LRRC7: variants seen among roughly 807,000 people sequenced by gnomAD.
LRRC7 encodes leucine-rich repeat-containing protein 7.
LRRC7 carries 23 observed loss-of-function variants against 175.7 expected under a neutral mutation model. That is an observed-to-expected ratio of 0.13 (90% CI 0.09 to 0.19). The LOEUF (loss-of-function observed/expected upper bound fraction) is 0.19. LRRC7 is among the 10% of genes least tolerant of loss of function. The pLI is 1.00. For missense variants in LRRC7, 1,354 were observed against 1,904.7 expected (o/e 0.71, Z 5.38); for synonymous variants, 685 against 680.9 (o/e 1.01, Z -0.09).
At chr1:69,911,203 A>G (rs920266138) in intron 7 of LRRC7, among the ~76,000 whole-genome samples, 1 of 152,178 alleles carries the variant, frequency 6.6e-6, no homozygotes, top group African/African-American at 2.4e-5. Context: ...CACTGCACCC[A>G]CTGTCCTGTG....
At chr1:69,870,584 C>G (rs1456385093) in intron 7 of LRRC7, among the ~76,000 whole-genome samples, 1 of 152,098 alleles carries the variant, frequency 6.6e-6, no homozygotes, top group African/African-American at 2.4e-5. Context: ...TCTCACCATT[C>G]CTAATAAGTT....
At position 69,730,031 on chromosome 1, in the gene LRRC7, T is replaced by A. The variant is rs116057791; in HGVS notation, c.101-30160T>A. On this transcript the variant is annotated intron_variant, in intron 2 of 26. Transcript: ENST00000651989. ...TTGGAGGTTGCACTCTCTGAAGCAA[T>A]GACCCAAGCTGTACCTTGGCCCCAT... 6.1e-3 allele frequency among the ~76,000 whole-genome samples: 928 copies of A among 152,332 alleles called. 3 individuals are homozygous for A. Among genetic ancestry groups the A allele is most frequent in the African/African-American group, 0.021 (877 of 41,580 alleles).
chr1:69,593,149 G>A lies in LRRC7; in HGVS notation c.2+24508G>A, dbSNP rs541672723. On this transcript the variant is annotated intron_variant, in intron 1 of 26. Transcript: ENST00000651989. Reference sequence around the variant, plus strand: ...AGAATTAAATTTGTTTGAATTTGTAGTGTATAGCATGGAAGACAGGCTGAG... The same window carrying A: ...AGAATTAAATTTGTTTGAATTTGTAATGTATAGCATGGAAGACAGGCTGAG... Among the ~76,000 whole-genome samples the A allele has an allele frequency of 1.2e-4, 19 of 152,152 alleles. 1 individual carries two copies. The highest frequency in any genetic ancestry group is 1.0e-3 in the South Asian group (5 of 4,830).
chr1:69,888,743 G>A (rs947377435), intron 7 of LRRC7, among the ~76,000 whole-genome samples: 6 of 152,076 alleles, frequency 3.9e-5, no homozygotes, highest in South Asian at 4.1e-4. Flanking sequence ...GACAGAAGCC[G>A]AGAGTAGAAC....
rs1463171137 is a variant in LRRC7 at position 70,068,615 on chromosome 1, TG to T, written c.4231-7461del. ...TCTTTCTTCCTTTATTTGTTTGTTT[TG>T]TTTTTTTATTTTTTTGGTATCAGGG... On this transcript the variant is annotated intron_variant, in intron 23 of 26. Coordinates refer to ENST00000651989, the MANE Select transcript of LRRC7 (RefSeq NM_001370785.2). 9.8e-5 allele frequency among the ~76,000 whole-genome samples: 15 copies of T among 152,334 alleles called. No homozygotes were observed. The East Asian group carries it at 1.5e-3, about 16-fold the overall frequency.
At chr1:70,079,003 AG>A (rs1157299235) in intron 24 of LRRC7, among the ~76,000 whole-genome samples, 1 of 152,168 alleles carries the variant, frequency 6.6e-6, no homozygotes, top group Non-Finnish European at 1.5e-5. Context: ...ACATTAAAAG[AG>A]GCTGAAAGGT....
chr1:69,793,568 T>A (rs903687304), intron 4 of LRRC7, among the ~76,000 whole-genome samples: 1 of 152,014 alleles, frequency 6.6e-6, no homozygotes, highest in East Asian at 1.9e-4. Context: ...AAAGAAGCAT[T>A]CCCAGACCAC....
chr1:69,687,904 C>G (rs1661381585), intron 2 of LRRC7, among the ~76,000 whole-genome samples: 1 of 152,220 alleles, frequency 6.6e-6, no homozygotes, highest in South Asian at 2.1e-4. Flanking sequence ...TATGATTTAG[C>G]CTTTTTCTAA....
chr1:69,820,587 C>T (rs887102357), intron 4 of LRRC7, among the ~76,000 whole-genome samples: 9 of 152,102 alleles, frequency 5.9e-5, no homozygotes, highest in African/African-American at 2.2e-4. Context: ...GTTCAACTCC[C>T]ACTTATGAGT....
chr1:69,907,950 A>G (rs373314561), intron 7 of LRRC7, among the ~76,000 whole-genome samples: 228 of 150,136 alleles, frequency 1.5e-3, no homozygotes, highest in Admixed American at 3.8e-3. Flanking sequence ...GCTGTTATTG[A>G]TCTATTCAGA....
intron 7 of LRRC7, among the ~76,000 whole-genome samples, chr1:69,850,955 G>A (rs1009459424): frequency 6.6e-6 from 1 of 152,094 alleles, no homozygotes; most frequent in East Asian, 1.9e-4. Context: ...GAAGAGATGA[G>A]GAGCCAGATT....
intron 18 of LRRC7, among the ~76,000 whole-genome samples, chr1:70,033,414 T>C (rs17131139): frequency 0.095 from 14,467 of 152,230 alleles, 693 homozygotes; most frequent in South Asian, 0.13. Context: ...CAGTGCCATG[T>C]AATTTATGGC....
chr1:70,093,394 G>A (rs1441235068), intron 25 of LRRC7, among the ~76,000 whole-genome samples: 1 of 151,968 alleles, frequency 6.6e-6, no homozygotes, highest in Non-Finnish European at 1.5e-5. Flanking sequence ...ATTTTATTGA[G>A]GCCCAGAGGG....
intron 8 of LRRC7, among the ~76,000 whole-genome samples, chr1:69,941,677 T>C (rs1648725127): frequency 6.6e-6 from 1 of 152,042 alleles, no homozygotes; most frequent in Non-Finnish European, 1.5e-5. Flanking sequence ...CTACAAATTT[T>C]AAATTACAAA....
intron 1 of LRRC7, among the ~76,000 whole-genome samples, chr1:69,630,836 G>A (rs551717752): frequency 1.3e-5 from 2 of 151,992 alleles, no homozygotes; most frequent in Admixed American, 6.6e-5. Flanking sequence ...AAAAGAATTA[G>A]ACAAGCAACA....
At position 69,731,298 on chromosome 1, in the gene LRRC7, A is replaced by C. The variant is rs868366174; in HGVS notation, c.101-28893A>C. ...GCAAGACTCCATTACCCCCACCCCC[A>C]AAAAAACCATGAGACCTCATGAGAA... On this transcript the variant is annotated intron_variant, in intron 2 of 26. Coordinates refer to ENST00000651989, the MANE Select transcript of LRRC7 (RefSeq NM_001370785.2). Among the ~76,000 whole-genome samples, 16 of 151,950 alleles carry C rather than the reference A, an allele frequency of 1.1e-4. No homozygotes were observed. The East Asian group carries it at 1.9e-3, about 18-fold the overall frequency.
chr1:70,079,408 G>C (rs556128549), intron 24 of LRRC7, among the ~76,000 whole-genome samples: 2 of 143,610 alleles, frequency 1.4e-5, no homozygotes, highest in East Asian at 4.1e-4. Context: ...GGTACAATAT[G>C]GAAAAAAATT....
intron 2 of LRRC7, among the ~76,000 whole-genome samples, chr1:69,687,182 A>G (rs1173599170): frequency 6.6e-6 from 1 of 152,080 alleles, no homozygotes; most frequent in East Asian, 1.9e-4. Flanking sequence ...TCTTGTTAGC[A>G]TAGTTGTGGT....
At position 69,977,922 on chromosome 1, in the gene LRRC7, C is replaced by T. The variant is rs570872875; in HGVS notation, c.712-2457C>T. On this transcript the variant is annotated intron_variant, in intron 8 of 26. Transcript: ENST00000651989. ...TGAATAATAATAATGTTTACAGTTA[C>T]AAGTTTATACATCAGTCTCTGTCTT... is the stretch of plus-strand genomic sequence containing the variant. Among the ~76,000 whole-genome samples the T allele has an allele frequency of 2.6e-5, 4 of 152,304 alleles. No individual in the cohort carries two copies. In the South Asian group the frequency reaches 6.2e-4, roughly 24 times the overall value.
Sources: allele counts gnomAD v4.1 joint callset (sites outside exome capture counted in the v4.1 genomes callset), GRCh38; gene constraint gnomAD v4.1.1; transcripts MANE v1.5; gene names NCBI Gene and HGNC (gene_info 2026-07-23, HGNC 2026-07-21).